Variants in GPC6 observed in about 807,000 individuals in gnomAD.
GPC6 encodes glypican 6.
A neutral mutation model predicts 55.2 loss-of-function variants in GPC6; 14 were observed. The observed-to-expected ratio is 0.25, with a 90% CI of 0.17 to 0.40. GPC6 has a LOEUF of 0.40. GPC6 is among the 10% of genes least tolerant of loss of function. The pLI is 1.00. For missense variants in GPC6, 641 were observed against 708.5 expected, an observed-to-expected ratio of 0.90 and a Z score of 1.08; for synonymous variants, 278 against 259.6, an observed-to-expected ratio of 1.07 and a Z score of -0.68.
intron 1 of GPC6, among the ~76,000 whole-genome samples, chr13:93,439,700 AAAAT>A (rs1877713824): frequency 2.9e-5 from 4 of 138,698 alleles, no homozygotes; most frequent in African/African-American, 1.2e-4. Flanking sequence ...TAAAAAAAAT[AAAAT>A]AAAATAAAAT....
At chr13:93,226,691 C>A (rs1875795099), upstream of GPC6, 1 of 152,166 alleles carries the variant, frequency 6.6e-6, no homozygotes, top group African/African-American at 2.4e-5. Flanking sequence ...AGGTACGTTT[C>A]TTTTTCTTTT....
chr13:93,724,718 T>G (rs1722640727), intron 2 of GPC6, among the ~76,000 whole-genome samples: 1 of 152,022 alleles, frequency 6.6e-6, no homozygotes, highest in South Asian at 2.1e-4. Flanking sequence ...TGGTACATTT[T>G]GTTATACTTT....
At chr13:94,268,400 TTATC>T (rs1272729100) in intron 4 of GPC6, among the ~76,000 whole-genome samples, 12 of 152,348 alleles carry the variant, frequency 7.9e-5, no homozygotes, top group Admixed American at 2.0e-4. Context: ...TAGCCCCAAA[TTATC>T]TATTCCCTTT....
chr13:94,163,030 T>C (rs1888223106), intron 4 of GPC6, among the ~76,000 whole-genome samples: 1 of 152,170 alleles, frequency 6.6e-6, no homozygotes, highest in Admixed American at 6.5e-5. Context: ...TGAGAATTTT[T>C]TAAAACCTTT....
rs560804410 is a variant in GPC6 at position 93,578,249 on chromosome 13, A to AT, written c.319+32836dup. 1.1e-4 allele frequency among the ~76,000 whole-genome samples: 17 copies of AT among 151,824 alleles called. No individual in the cohort carries two copies. In the East Asian group the frequency reaches 2.3e-3, roughly 21 times the overall value. On this transcript the variant is annotated intron_variant, in intron 2 of 8. Coordinates refer to ENST00000377047, the MANE Select transcript of GPC6 (RefSeq NM_005708.5). ...ATTTGGAAGTATTCCCTCCTGTTCA[A>AT]TTTTTTTTAAAAAGAGTTTCAGTAG...
chr13:94,187,614 A>G (rs1889246867), intron 4 of GPC6, among the ~76,000 whole-genome samples: 1 of 152,228 alleles, frequency 6.6e-6, no homozygotes, highest in Admixed American at 6.5e-5. Context: ...TAGGTATTCA[A>G]CAAATACTTA....
intron 4 of GPC6, among the ~76,000 whole-genome samples, chr13:94,050,271 C>T (rs9524318): frequency 0.14 from 21,988 of 152,072 alleles, 1,988 homozygotes; most frequent in East Asian, 0.36. Context: ...TACTGAATAA[C>T]AGAGTGCTGT....
At chr13:93,789,595 CTACATATATATATA>C (rs1216856957) in intron 2 of GPC6, among the ~76,000 whole-genome samples, 2 of 54,204 alleles carry the variant, frequency 3.7e-5, no homozygotes, top group Non-Finnish European at 7.1e-5. Flanking sequence ...ATATATAATA[CTACATATATATATA>C]TATATATATA....
chr13:93,623,257 C>T (rs1479261237), intron 2 of GPC6, among the ~76,000 whole-genome samples: 2 of 152,062 alleles, frequency 1.3e-5, no homozygotes, highest in Non-Finnish European at 2.9e-5. Flanking sequence ...ATCTCCTTGA[C>T]ATACTGATTC....
intron 3 of GPC6, among the ~76,000 whole-genome samples, chr13:93,882,081 T>C (rs1189728768): frequency 1.3e-5 from 2 of 151,764 alleles, no homozygotes; most frequent in African/African-American, 4.8e-5. Flanking sequence ...TTTTCTCTTC[T>C]TTTTTTTCTT....
intron 3 of GPC6, among the ~76,000 whole-genome samples, chr13:94,022,780 G>A (rs1193250985): frequency 1.3e-5 from 2 of 152,048 alleles, no homozygotes; most frequent in East Asian, 3.9e-4. Context: ...CCTAACAGGT[G>A]TGAGATGGCA....
intron 5 of GPC6, among the ~76,000 whole-genome samples, chr13:94,301,364 T>C (rs1203648299): frequency 1.3e-5 from 2 of 152,070 alleles, no homozygotes; most frequent in African/African-American, 4.8e-5. Context: ...GCCATTGCAC[T>C]CCAGTCTGGG....
rs556808788 is a variant in GPC6, at chr13:94,013,531, G to A, written c.712-14198G>A. The stretch of plus-strand genomic sequence containing the variant: ...ACACCTGGGTAATTTTGTATTTGTA[G>A]TGGAGACGGGGTTTCTCCATGTTGG... On this transcript the variant is annotated intron_variant, in intron 3 of 8. Coordinates refer to ENST00000377047, the MANE Select transcript of GPC6 (RefSeq NM_005708.5). Among the ~76,000 whole-genome samples, 9 of 152,188 alleles carry A rather than the reference G, an allele frequency of 5.9e-5. 1 individual carries two copies. The highest frequency in any genetic ancestry group is 1.7e-4 in the African/African-American group (7 of 41,518).
chr13:93,386,306 C>CA (rs1261790554), intron 1 of GPC6, among the ~76,000 whole-genome samples: 1 of 152,174 alleles, frequency 6.6e-6, no homozygotes, highest in Non-Finnish European at 1.5e-5. Context: ...TTCTCCCCTT[C>CA]AAGCTTTTTA....
chr13:93,586,734 A>G (rs1259964783), intron 2 of GPC6, among the ~76,000 whole-genome samples: 1 of 152,186 alleles, frequency 6.6e-6, no homozygotes, highest in Non-Finnish European at 1.5e-5. Flanking sequence ...AAGACTAAAA[A>G]CGTTTTGAAA....
rs79325286 is a variant in GPC6, at chr13:93,381,909, T to C, written c.160+154293T>C. ...ACCAGTCATAATTACAGGGGTTTAA[T>C]TGATCATTTAAAGTATGTTACTTTT... On this transcript the variant is annotated intron_variant, in intron 1 of 8. Transcript: ENST00000377047. Among the ~76,000 whole-genome samples the C allele has an allele frequency of 4.4e-3, 673 of 152,274 alleles. 1 individual carries two copies. Among genetic ancestry groups the C allele is most frequent in the Non-Finnish European group, 6.3e-3 (428 of 68,002 alleles).
intron 7 of GPC6, among the ~76,000 whole-genome samples, chr13:94,385,046 C>A (rs922273431): frequency 6.6e-6 from 1 of 152,128 alleles, no homozygotes; most frequent in African/African-American, 2.4e-5. Context: ...TCGAGACCAT[C>A]CTAGCCAAGA....
chr13:93,892,966 A>G (rs9516311), intron 3 of GPC6, among the ~76,000 whole-genome samples: 36,059 of 151,920 alleles, frequency 0.24, 4,788 homozygotes, highest in East Asian at 0.34. Flanking sequence ...TATCAAAAAT[A>G]TGTGCTGTTA....
intron 2 of GPC6, among the ~76,000 whole-genome samples, chr13:93,564,724 CAG>C: frequency 6.6e-6 from 1 of 152,004 alleles, no homozygotes; most frequent in South Asian, 2.1e-4. Flanking sequence ...TTGGATGTTG[CAG>C]AGTTTCTTGT....
Sources: gnomAD v4.1 joint callset for allele counts (sites outside exome capture counted in the v4.1 genomes callset) on GRCh38, gnomAD v4.1.1 for gene constraint, MANE v1.5 for transcripts, NCBI Gene and HGNC (gene_info 2026-07-23, HGNC 2026-07-21) for gene names.